Variants in KCNN1 observed in about 807,000 individuals in gnomAD.
KCNN1 encodes potassium calcium-activated channel subfamily N member 1, also known as small conductance calcium-activated potassium channel protein 1.
KCNN1 carries 20 observed loss-of-function variants against 44.7 expected under a neutral mutation model. That is an observed-to-expected ratio of 0.45 (90% CI 0.32 to 0.65). KCNN1 has a LOEUF of 0.65. KCNN1 is among the 30% of genes least tolerant of loss of function. The pLI is 0.05. For missense variants in KCNN1, 632 were observed against 785.3 expected, an observed-to-expected ratio of 0.80 and a Z score of 2.33; for synonymous variants, 324 against 341.7, an observed-to-expected ratio of 0.95 and a Z score of 0.57.
At chr19:17,963,469 C>A (rs2031731262), upstream of KCNN1, among the ~76,000 whole-genome samples, 1 of 152,172 alleles carries the variant, frequency 6.6e-6, no homozygotes, top group East Asian at 1.9e-4. Context: ...TGCCCACCAA[C>A]ACACCCGGCT....
At chr19:17,969,635 A>G (rs1950658064) in intron 1 of KCNN1, among the ~76,000 whole-genome samples, 2 of 152,204 alleles carry the variant, frequency 1.3e-5, no homozygotes, top group Admixed American at 1.3e-4. Flanking sequence ...AATTTGGCCC[A>G]TGCGTCGGGT....
At chr19:17,967,101 C>G (rs2031835097), upstream of KCNN1, 4 of 980,474 alleles carry the variant, frequency 4.1e-6, no homozygotes, top group Non-Finnish European at 4.8e-6. Context: ...CTCTCCCGGC[C>G]CGGGCGGGCG....
chr19:17,956,981 G>A (rs537925830), intron 2 of KCNN1, among the ~76,000 whole-genome samples: 16 of 151,606 alleles, frequency 1.1e-4, no homozygotes, highest in African/African-American at 3.6e-4. Context: ...GAACCAGGGA[G>A]TTGGAGGTTG....
intron 7 of KCNN1, among the ~76,000 whole-genome samples, chr19:17,990,468 T>TGA (rs112340853): frequency 1.0e-3 from 130 of 129,798 alleles, no homozygotes; most frequent in African/African-American, 3.4e-3. Context: ...GGTTACAAAG[T>TGA]GAGACCTTGT....
chr19:17,993,440 C>G lies in KCNN1; in HGVS notation c.1308-50C>G. 1.4e-6 allele frequency: 2 copies of G among 1,407,764 alleles called. No individual in the cohort carries two copies. Among genetic ancestry groups the G allele is most frequent in the South Asian group, 2.4e-5 (2 of 84,338 alleles). 87.2% of individuals were successfully genotyped at this position (1,407,764 alleles called of 1,614,324 possible). On this transcript the variant is annotated intron_variant, in intron 8 of 9. Coordinates refer to ENST00000684775, the MANE Select transcript of KCNN1 (RefSeq NM_001386974.1). The surrounding 1 kb of genome is among the most constrained non-coding windows in gnomAD (Gnocchi z 4.5). ...ATGAAAGTCCCTGCCCCCACTGCAG[C>G]CTCCACGGGAACCTGCCTAACCCCC...
At chr19:17,960,634 AAAAAG>A (rs56694978) in intron 2 of KCNN1, among the ~76,000 whole-genome samples, 203 of 151,858 alleles carry the variant, frequency 1.3e-3, no homozygotes, top group Middle Eastern at 6.8e-3. Flanking sequence ...CTGTCTCAAA[AAAAAG>A]AAAAGAAAAG....
chr19:17,970,453 G>A (rs902386168), intron 1 of KCNN1, among the ~76,000 whole-genome samples: 1 of 151,408 alleles, frequency 6.6e-6, no homozygotes, highest in Non-Finnish European at 1.5e-5. Flanking sequence ...AAGTAGCTGG[G>A]ATGACAGGTG....
intron 2 of KCNN1, among the ~76,000 whole-genome samples, chr19:17,961,486 C>T (rs569315636): frequency 3.3e-5 from 5 of 152,072 alleles, no homozygotes; most frequent in South Asian, 2.1e-4. Flanking sequence ...CTGCAATGGG[C>T]GTGATCGTGC....
chr19:17,961,553 A>G lies in KCNN1; in HGVS notation c.-82+6872A>G, dbSNP rs569298550. ...ACCCAGCTTCAAAAACAAAAGAAAC[A>G]AAACCCTATTTTCTTTCTTTCTTTC... On this transcript the variant is annotated intron_variant, in intron 2 of 10. Transcript: ENST00000222249. Among the ~76,000 whole-genome samples, 8 of 151,386 alleles carry G rather than the reference A, an allele frequency of 5.3e-5. No individual in the cohort carries two copies. In the South Asian group the frequency reaches 1.5e-3, roughly 28 times the overall value.
rs111535898 is a variant in KCNN1 at position 17,954,548 on chromosome 19, C to T, written c.-202-13C>T. ...CCCGCCTCCACCCCGCACCCCCTGT[C>T]TGATCATTACAGATCTCAAAGGGAC... is the stretch of plus-strand genomic sequence containing the variant. On this transcript the variant is annotated splice_polypyrimidine_tract_variant and intron_variant, in intron 1 of 10. Coordinates refer to the KCNN1 transcript ENST00000222249. The T allele has an allele frequency of 7.2e-5, 11 of 152,832 alleles. 1 individual carries two copies. The highest frequency in any genetic ancestry group is 2.4e-4 in the African/African-American group (10 of 41,572). 9.5% of individuals were successfully genotyped at this position (152,832 alleles called of 1,614,324 possible).
rs1351105496 is a variant in KCNN1, at chr19:17,989,852, A to G, written c.1298+9A>G. On this transcript the variant is annotated intron_variant, in intron 7 of 9. Transcript: ENST00000684775. ...CTCCAAGCCATCCATCAGTAAGTCC[A>G]GCACCTTTCCAGCTCACGTTTCTGT... 1.2e-6 allele frequency: 2 copies of G among 1,612,420 alleles called. No individual in the cohort carries two copies. Among genetic ancestry groups the G allele is most frequent in the East Asian group, 2.2e-5 (1 of 44,870 alleles).
upstream of KCNN1, among the ~76,000 whole-genome samples, chr19:17,965,778 A>G (rs2031787937): frequency 6.6e-6 from 1 of 152,096 alleles, no homozygotes; most frequent in South Asian, 2.1e-4. Flanking sequence ...ACCTCTGTGG[A>G]TCTGACCGGG....
intron 4 of KCNN1, chr19:17,982,647 G>C (rs536544208): frequency 1.0e-6 from 1 of 955,536 alleles, no homozygotes; most frequent in Admixed American, 6.2e-5. Flanking sequence ...TCCCCGACCC[G>C]CTAGGAATTT....
chr19:17,953,179 C>T (rs2145894395), intron 1 of KCNN1, among the ~76,000 whole-genome samples: 1 of 152,336 alleles, frequency 6.6e-6, no homozygotes, highest in African/African-American at 2.4e-5. Context: ...TGTGCCCCCG[C>T]TCCCAGCCTC....
intron 6 of KCNN1, 129 bp downstream of exon 6, chr19:17,988,654 G>T: frequency 1.4e-6 from 1 of 737,988 alleles, no homozygotes; most frequent in Non-Finnish European, 2.3e-6. Flanking sequence ...CCCGTGTCAA[G>T]ACTGTGCTGG....
In KCNN1 at chr19:17,975,100, G is replaced by A. The variant is rs770159913; in HGVS notation, c.411G>A (p.Leu137=). The A allele has an allele frequency of 8.1e-6, 13 of 1,613,340 alleles. No individual in the cohort carries two copies. The highest frequency in any genetic ancestry group is 4.4e-5 in the South Asian group (4 of 91,074). Residue 137 remains leucine, a synonymous_variant, in exon 3 of 10, where the codon CTG becomes CTA. Transcript: ENST00000684775. The part of the protein sequence containing the change: ...LSWGVYTKES[L]YSFALKCLIS... The stretch of plus-strand genomic sequence containing the variant: ...TCCTCTCTCTTTACCAGGAGTCTCT[G>A]TACTCATTCGCACTCAAATGCCTCA...
At chr19:17,981,630 T>C in intron 3 of KCNN1, 79 bp from the exon 4 acceptor site, 4 of 1,323,628 alleles carry the variant, frequency 3.0e-6, no homozygotes, top group Non-Finnish European at 4.1e-6. Flanking sequence ...GACGTCACTC[T>C]CTGGGGGCGC....
intron 1 of KCNN1, among the ~76,000 whole-genome samples, chr19:17,970,289 ATTTTTTTTTTTTTTTTTTT>A (rs71164333): frequency 1.1e-3 from 62 of 56,920 alleles, no homozygotes; most frequent in East Asian, 1.8e-3. Context: ...AGAAGGAATG[ATTTTTTTTTTTTTTTTTTT>A]TTTTTTTTTT....
At chr19:17,977,937 G>A (rs1337714913) in intron 3 of KCNN1, among the ~76,000 whole-genome samples, 3 of 151,968 alleles carry the variant, frequency 2.0e-5, no homozygotes, top group Admixed American at 1.3e-4. Flanking sequence ...ATGCAAATCC[G>A]CAGAGACAGA....
Sources: gnomAD v4.1 joint callset for allele counts (sites outside exome capture counted in the v4.1 genomes callset) on GRCh38, gnomAD v4.1.1 for gene constraint, Gnocchi (gnomAD v3.1) non-coding constraint, MANE v1.5 for transcripts, NCBI Gene and HGNC (gene_info 2026-07-23, HGNC 2026-07-21) for gene names.